GRIP1: variants seen among roughly 807,000 people sequenced by gnomAD.
GRIP1 encodes the protein glutamate receptor interacting protein 1, also known as glutamate receptor-interacting protein 1.
Under a neutral mutation model 129.9 loss-of-function variants are expected in GRIP1, and 45 were observed. The ratio of observed to expected loss-of-function variants is 0.35; its 90% confidence interval spans 0.27 to 0.44. The LOEUF (loss-of-function observed/expected upper bound fraction) is 0.44, where lower values mean the gene tolerates loss of function less well. Among genes scored for constraint, GRIP1 ranks in the 20% least tolerant of loss-of-function variants. The probability of loss-of-function intolerance (pLI) is 1.00; values close to 1 mark genes in which losing one functional copy is unlikely to be tolerated. For missense variants in GRIP1, 1,196 were observed against 1,396.8 expected, an observed-to-expected ratio of 0.86 and a Z score of 2.29; for synonymous variants, 530 against 520.8, an observed-to-expected ratio of 1.02 and a Z score of -0.24.
intron 1 of GRIP1, among the ~76,000 whole-genome samples, chr12:67,059,473 C>T (rs866748689): frequency 2.7e-4 from 41 of 152,328 alleles, no homozygotes; most frequent in Middle Eastern, 3.4e-3. Context: ...ATGCCCTTCA[C>T]CCAGGGCAAT....
chr12:66,977,175 C>G (rs2042164751), intron 1 of GRIP1, among the ~76,000 whole-genome samples: 1 of 150,798 alleles, frequency 6.6e-6, no homozygotes, highest in Non-Finnish European at 1.5e-5. Flanking sequence ...ATTCCCAAAT[C>G]TGCCATGATT....
chr12:66,381,126 C>T (rs1225459924), intron 19 of GRIP1, among the ~76,000 whole-genome samples: 1 of 152,168 alleles, frequency 6.6e-6, no homozygotes, highest in East Asian at 1.9e-4. Context: ...AGGATTTGAT[C>T]TTAAGAACCC....
chr12:66,475,172 T>G (rs4644699), intron 7 of GRIP1, among the ~76,000 whole-genome samples: 40,225 of 151,992 alleles, frequency 0.26, 5,521 homozygotes, highest in Middle Eastern at 0.43. Flanking sequence ...AGGCAGGGGT[T>G]GCAATCCTAG....
intron 1 of GRIP1, among the ~76,000 whole-genome samples, chr12:66,880,940 C>T (rs1360167762): frequency 1.3e-5 from 2 of 151,410 alleles, no homozygotes; most frequent in African/African-American, 4.9e-5. Context: ...TCTCACCAGT[C>T]AGCAGCTCAA....
intron 2 of GRIP1, among the ~76,000 whole-genome samples, chr12:66,575,645 T>C (rs2063114924): frequency 6.6e-6 from 1 of 152,220 alleles, no homozygotes; most frequent in Admixed American, 6.5e-5. Flanking sequence ...GGCAATGTTA[T>C]CCTGCAAGAA....
intron 5 of GRIP1, among the ~76,000 whole-genome samples, chr12:66,525,085 G>A (rs1321491729): frequency 1.3e-5 from 2 of 152,068 alleles, no homozygotes; most frequent in South Asian, 2.1e-4. Flanking sequence ...ATTCACAGCC[G>A]AATTCTACCA....
At chr12:66,817,218 A>G (rs1269066297) in intron 1 of GRIP1, among the ~76,000 whole-genome samples, 1 of 150,412 alleles carries the variant, frequency 6.6e-6, no homozygotes, top group Admixed American at 6.7e-5. Flanking sequence ...ACACACACAC[A>G]CACACACACA....
intron 1 of GRIP1, among the ~76,000 whole-genome samples, chr12:66,713,557 A>T (rs953670438): frequency 1.4e-5 from 2 of 144,878 alleles, no homozygotes; most frequent in African/African-American, 5.1e-5. Flanking sequence ...TGAACCCCCC[A>T]TTCTTGGTGC....
chr12:66,409,662 C>A (rs941982781), intron 15 of GRIP1, among the ~76,000 whole-genome samples: 2 of 152,182 alleles, frequency 1.3e-5, no homozygotes, highest in African/African-American at 4.8e-5. Flanking sequence ...TCAAGACCAT[C>A]TGAGAAAACA....
chr12:67,035,418 G>C (rs1426982052), intron 1 of GRIP1: 1 of 152,160 alleles, frequency 6.6e-6, no homozygotes, highest in Non-Finnish European at 1.5e-5. Context: ...CAATGAAACA[G>C]CCAGCTGTTT....
At position 66,456,255 on chromosome 12, in the gene GRIP1, G is replaced by A. The variant is rs1468155679; in HGVS notation, c.1130C>T (p.Thr377Met). 4.7e-6 allele frequency: 6 copies of A among 1,289,210 alleles called. No homozygotes were observed. Among genetic ancestry groups the A allele is most frequent in the East Asian group, 1.1e-4 (2 of 18,018 alleles). The allele number at this position is 1,289,210 out of a possible 1,614,324, so 79.9% of individuals were successfully genotyped here. ...SSLHTNHHYN[T>M]YHPDHCRVPA... is the part of the protein sequence containing the mutation. Reference sequence around the variant, plus strand: ...TACTCTGCAATGGTCAGGGTGGTACGTGTTATAGTGATGGTTGGTGTGAAG... The same window carrying A: ...TACTCTGCAATGGTCAGGGTGGTACATGTTATAGTGATGGTTGGTGTGAAG... Residue 377 changes from threonine to methionine, a missense_variant, in exon 10 of 25, where the codon ACG becomes ATG. This residue lies in a region of GRIP1 where 508 missense variants were observed against 587.0 expected (regional missense o/e 0.87). Coordinates refer to ENST00000359742, the MANE Select transcript of GRIP1 (RefSeq NM_001366722.1).
intron 1 of GRIP1, among the ~76,000 whole-genome samples, chr12:66,790,532 G>A (rs1032153238): frequency 3.3e-5 from 5 of 152,006 alleles, no homozygotes; most frequent in African/African-American, 1.2e-4. Flanking sequence ...GGACTACCCC[G>A]GGTGCAGAGG....
chr12:66,712,086 TTAAAA>T (rs1394857403), intron 1 of GRIP1, among the ~76,000 whole-genome samples: 1 of 151,958 alleles, frequency 6.6e-6, no homozygotes, highest in Non-Finnish European at 1.5e-5. Flanking sequence ...CTATCAAATC[TTAAAA>T]TATAATACAA....
chr12:66,790,328 G>T (rs10784586), intron 1 of GRIP1, among the ~76,000 whole-genome samples: 141,508 of 152,184 alleles, frequency 0.93, 66,502 homozygotes, highest in East Asian at 1. Context: ...TACTATGACA[G>T]GAACAGAATA....
chr12:66,362,142 C>CTT (rs10589880), intron 23 of GRIP1, among the ~76,000 whole-genome samples: 28 of 91,654 alleles, frequency 3.1e-4, no homozygotes, highest in African/African-American at 7.5e-4. Flanking sequence ...CCAATTTAAT[C>CTT]TTTTTTTTTT....
At chr12:66,945,237 C>A (rs1029269674) in intron 1 of GRIP1, among the ~76,000 whole-genome samples, 1 of 151,954 alleles carries the variant, frequency 6.6e-6, no homozygotes, top group African/African-American at 2.4e-5. Context: ...TGTGTCGTGG[C>A]AGTTTGGCGT....
At chr12:66,975,349 T>C (rs572839956) in intron 1 of GRIP1, among the ~76,000 whole-genome samples, 1 of 152,206 alleles carries the variant, frequency 6.6e-6, no homozygotes, top group Non-Finnish European at 1.5e-5. Context: ...TCAGTTTCCA[T>C]CAGTGGCTAG....
intron 1 of GRIP1, among the ~76,000 whole-genome samples, chr12:66,716,899 T>A (rs12298071): frequency 0.19 from 28,351 of 152,044 alleles, 2,818 homozygotes; most frequent in African/African-American, 0.21. Context: ...TTGTTCTGAG[T>A]ACTCTAGTTC....
chr12:66,509,539 C>A, intron 7 of GRIP1, among the ~76,000 whole-genome samples: 1 of 152,158 alleles, frequency 6.6e-6, no homozygotes, highest in South Asian at 2.1e-4. Flanking sequence ...TTTCCAAAGA[C>A]ATGGACCCAA....
Sources: gnomAD v4.1 joint callset for allele counts (sites outside exome capture counted in the v4.1 genomes callset) on GRCh38, gnomAD v4.1.1 for gene constraint, gnomAD v4.1.1 regional missense constraint, MANE v1.5 for transcripts, NCBI Gene and HGNC (gene_info 2026-07-23, HGNC 2026-07-21) for gene names.